The following HERC1 variants were observed in gnomAD, a reference collection of about 807,000 sequenced individuals.
HERC1 encodes the protein probable E3 ubiquitin-protein ligase HERC1.
A neutral mutation model predicts 554.3 loss-of-function variants in HERC1; 160 were observed. That is an observed-to-expected ratio of 0.29 (90% CI 0.25 to 0.33). The LOEUF is 0.33. Ranked by LOEUF, HERC1 falls within the 10% of genes least tolerant of loss-of-function variation. HERC1 has a pLI of 1.00. For synonymous variants in HERC1, 2,175 were observed against 2,131.7 expected, an observed-to-expected ratio of 1.02 and a Z score of -0.56; for missense variants, 4,919 against 5,918.5, an observed-to-expected ratio of 0.83 and a Z score of 5.54.
At chr15:63,702,603 C>G (rs1231204240) in intron 25 of HERC1, among the ~76,000 whole-genome samples, 1 of 152,102 alleles carries the variant, frequency 6.6e-6, no homozygotes, top group East Asian at 1.9e-4. Flanking sequence ...TAAGTTTTAT[C>G]AAAGTACCAA....
intron 36 of HERC1, among the ~76,000 whole-genome samples, chr15:63,678,974 A>G (rs1256942844): frequency 6.6e-6 from 1 of 152,244 alleles, no homozygotes; most frequent in African/African-American, 2.4e-5. Context: ...TTATGCACAT[A>G]AAGTGCTTAT....
At position 63,716,528 on chromosome 15, in the gene HERC1, A is replaced by G. The variant is rs999297594; in HGVS notation, c.3979-55T>C. 8.0e-5 allele frequency: 108 copies of G among 1,350,672 alleles called. 1 individual carries two copies. The Middle Eastern group carries it at 9.8e-4, about 12-fold the overall frequency. The allele number at this position is 1,350,672 out of a possible 1,614,324, so 83.7% of individuals were successfully genotyped here. A position where few individuals can be genotyped will look rare whatever the true frequency, so the allele number is the denominator to read the frequency against. ...ATACATTTTTTCCAAAATCTTTTTA[A>G]AACTTTAAAAAACCTTTAATTTTTT... On this transcript the variant is annotated intron_variant, in intron 21 of 77. Coordinates refer to ENST00000443617, the MANE Select transcript of HERC1 (RefSeq NM_003922.4).
chr15:63,833,249 G>C (rs961913488), intron 1 of HERC1, among the ~76,000 whole-genome samples: 2 of 152,334 alleles, frequency 1.3e-5, no homozygotes, highest in South Asian at 2.1e-4. Context: ...TGGGGCGGGA[G>C]ATTTGGAGAA....
rs750707071 is a variant in HERC1 at position 63,615,824 on chromosome 15, T to C, written c.14038A>G (p.Arg4680Gly). 4.4e-6 allele frequency: 7 copies of C among 1,608,504 alleles called. No individual in the cohort carries two copies. Among genetic ancestry groups the C allele is most frequent in the Non-Finnish European group, 5.9e-6 (7 of 1,178,028 alleles). Reference sequence around the variant, plus strand: ...ATGGCCCTCTCCACATATTCCTTCCTGTTGGAAAATGTGAGTGGGATACTA... The same window carrying C: ...ATGGCCCTCTCCACATATTCCTTCCCGTTGGAAAATGTGAGTGGGATACTA... Reference protein sequence around the residue: ...GNSIPLTFSNRKEYVERAIEY... With the variant: ...GNSIPLTFSNGKEYVERAIEY... The change falls in exon 76 of 78, where the codon AGG (arginine) becomes GGG (glycine). Residue 4680 changes from arginine (R) to glycine (G), a missense_variant. Physicochemically the swap from Arg to Gly is moderately radical, Grantham distance 125 (BLOSUM62 -2). Coordinates refer to ENST00000443617, the MANE Select transcript of HERC1 (RefSeq NM_003922.4).
rs1031615356 is a variant in HERC1, at chr15:63,771,348, T to C, written c.930+3346A>G. 3.3e-5 allele frequency among the ~76,000 whole-genome samples: 5 copies of C among 152,186 alleles called. No homozygotes were observed. In the East Asian group the frequency reaches 5.8e-4, roughly 18 times the overall value. On this transcript the variant is annotated intron_variant, in intron 2 of 77. Coordinates refer to ENST00000443617, the MANE Select transcript of HERC1 (RefSeq NM_003922.4). ...GAGATTTAATTAAAATTCAATCTAATGTAGGCCTGAGGTGGCTTTGAGACC... is the reference window on the plus strand; with the variant it reads ...GAGATTTAATTAAAATTCAATCTAACGTAGGCCTGAGGTGGCTTTGAGACC...
At position 63,694,238 on chromosome 15, in the gene HERC1, AGGGAAAGG is replaced by A; in HGVS notation, c.5480+66_5480+73del. The A allele has an allele frequency of 6.4e-7, 1 of 1,565,072 alleles. No individual in the cohort carries two copies. ...TGCTTAAATACATAAAGCAGATTAG[AGGGAAAGG>A]GGGAATTCTAAAATGGAGGAAGACC... On this transcript the variant is annotated intron_variant, in intron 29 of 77. Transcript: ENST00000443617. This position sits in a 1 kb window ranked among gnomAD's most constrained non-coding sequence, Gnocchi z 4.3.
chr15:63,766,061 C>T (rs2142524356), intron 2 of HERC1, among the ~76,000 whole-genome samples: 1 of 152,206 alleles, frequency 6.6e-6, no homozygotes, highest in East Asian at 1.9e-4. Context: ...GTTTACATAA[C>T]TCACTATAGC....
intron 26 of HERC1, 47 bp from the exon 27 acceptor site, chr15:63,696,386 T>A: frequency 7.3e-7 from 1 of 1,364,924 alleles, no homozygotes; most frequent in Non-Finnish European, 1.0e-6. Flanking sequence ...AACTCAGACA[T>A]GATGAAACTC....
intron 1 of HERC1, among the ~76,000 whole-genome samples, chr15:63,808,689 A>C (rs183725048): frequency 2.6e-5 from 4 of 152,372 alleles, no homozygotes; most frequent in African/African-American, 9.6e-5. Context: ...AGATACAATT[A>C]ATCCAGAAAT....
chr15:63,633,670 C>G (rs1191549783), intron 67 of HERC1, among the ~76,000 whole-genome samples, 178 bp downstream of exon 67: 1 of 152,192 alleles, frequency 6.6e-6, no homozygotes, highest in Admixed American at 6.5e-5. Flanking sequence ...GGATTAATAG[C>G]TTATTTAAAA....
At position 63,617,006 on chromosome 15, in the gene HERC1, CT is replaced by C. The variant is rs569316030; in HGVS notation, c.13689-325del. Among the ~76,000 whole-genome samples the C allele has an allele frequency of 4.7e-3, 675 of 143,912 alleles. 3 individuals carry two copies. The highest frequency in any genetic ancestry group is 5.9e-3 in the African/African-American group (235 of 39,578). The allele number at this position is 143,912 out of a possible 152,430, so 94.4% of individuals were successfully genotyped here. On this transcript the variant is annotated intron_variant, in intron 74 of 77. Coordinates refer to ENST00000443617, the MANE Select transcript of HERC1 (RefSeq NM_003922.4). The stretch of plus-strand genomic sequence containing the variant: ...ATGCCTTGTTTTCTAAAATCATTAT[CT>C]TTTTTTTTTTTTATTATTATACTTT...
chr15:63,627,452 A>G (rs2068348467), intron 70 of HERC1, among the ~76,000 whole-genome samples: 1 of 152,066 alleles, frequency 6.6e-6, no homozygotes, highest in Non-Finnish European at 1.5e-5. Flanking sequence ...CTTGAACTCC[A>G]GACTTGAGGT....
At chr15:63,824,549 A>AT (rs61255042) in intron 1 of HERC1, among the ~76,000 whole-genome samples, 2 of 150,970 alleles carry the variant, frequency 1.3e-5, no homozygotes, top group Non-Finnish European at 3.0e-5. Context: ...AAAAAAAAAA[A>AT]TTAAAAAGAA....
At chr15:63,825,527 TAAAC>T (rs1313104490) in intron 1 of HERC1, among the ~76,000 whole-genome samples, 2 of 152,056 alleles carry the variant, frequency 1.3e-5, no homozygotes, top group Non-Finnish European at 2.9e-5. Context: ...AAGCCTGAAA[TAAAC>T]AAATAAAATG....
intron 19 of HERC1, 22 bp downstream of exon 19, chr15:63,723,160 C>T: frequency 7.3e-7 from 1 of 1,378,560 alleles, no homozygotes; most frequent in South Asian, 2.0e-5. Context: ...CAAATTTACT[C>T]CCTTTATCTT....
chr15:63,761,483 A>G (rs1280980193), intron 3 of HERC1, among the ~76,000 whole-genome samples: 1 of 151,920 alleles, frequency 6.6e-6, no homozygotes, highest in Non-Finnish European at 1.5e-5. Flanking sequence ...GCTACTTGGG[A>G]GGCTGAGGCT....
intron 12 of HERC1, among the ~76,000 whole-genome samples, chr15:63,741,559 G>A (rs1255451257): frequency 2.6e-5 from 4 of 150,972 alleles, no homozygotes; most frequent in African/African-American, 4.9e-5. Context: ...CACCTGCCTC[G>A]GCATTCCAAA....
chr15:63,796,807 C>G (rs543101329), intron 1 of HERC1, among the ~76,000 whole-genome samples: 9 of 152,314 alleles, frequency 5.9e-5, no homozygotes, highest in Admixed American at 5.9e-4. Context: ...AAAGAAATGT[C>G]TGTGTTACAA....
intron 19 of HERC1, among the ~76,000 whole-genome samples, chr15:63,722,732 T>A (rs981616287): frequency 6.6e-6 from 1 of 152,314 alleles, no homozygotes; most frequent in Admixed American, 6.5e-5. Context: ...ATTGTAATTG[T>A]TCTATTTTAT....
Sources: allele counts gnomAD v4.1 joint callset (sites outside exome capture counted in the v4.1 genomes callset), GRCh38; gene constraint gnomAD v4.1.1; non-coding constraint Gnocchi (gnomAD v3.1); transcripts MANE v1.5; gene names NCBI Gene and HGNC (gene_info 2026-07-23, HGNC 2026-07-21).